The following NCAM1 variants were observed in gnomAD, a reference collection of about 807,000 sequenced individuals.
The protein encoded by NCAM1 is neural cell adhesion molecule 1, also known as antigen recognized by monoclonal antibody 5.1H11.
Under a neutral mutation model 109.8 loss-of-function variants are expected in NCAM1, and 14 were observed. That is an observed-to-expected ratio of 0.13 (90% confidence interval 0.08 to 0.20). The LOEUF is 0.20. Ranked by LOEUF, NCAM1 falls within the 10% of genes least tolerant of loss-of-function variation. The pLI is 1.00. For missense variants in NCAM1, 774 were observed against 1,109.9 expected (o/e 0.70, Z 4.30); for synonymous variants, 418 against 442.9 (o/e 0.94, Z 0.70).
intron 14 of NCAM1, chr11:113,240,371 T>C (rs45501891): frequency 0.019 from 3,714 of 200,024 alleles, 58 homozygotes; most frequent in Non-Finnish European, 0.028. Flanking sequence ...GAAACACATA[T>C]ATAGATGTGT....
intron 7 of NCAM1, among the ~76,000 whole-genome samples, chr11:113,211,032 C>G (rs1472164550): frequency 1.3e-5 from 2 of 152,174 alleles, no homozygotes; most frequent in African/African-American, 4.8e-5. Context: ...CTCTTCTCCA[C>G]CACCTTTTCC....
At chr11:113,271,969 G>A (rs2137786970) in intron 19 of NCAM1, 93 bp downstream of exon 19, 2 of 879,678 alleles carry the variant, frequency 2.3e-6, no homozygotes, top group East Asian at 2.9e-5. Flanking sequence ...CCTACCCACA[G>A]CTCCCGGCCA....
Position 113,242,857 on chromosome 11 carries a change from G to A in NCAM1, c.1826-3511G>A, listed in dbSNP as rs1945373991. On this transcript the variant is annotated intron_variant, in intron 14 of 19. Coordinates refer to ENST00000316851, the MANE Select transcript of NCAM1 (RefSeq NM_181351.5). ...CCACAGAACCAGCTAGTGAGTACAG[G>A]GCTGAGTTGCTCTCGGCCAGACCTC... 4 of 1,613,904 alleles carry A rather than the reference G, an allele frequency of 2.5e-6. No individual in the cohort carries two copies. The East Asian group carries it at 8.9e-5, about 36-fold the overall frequency.
At chr11:113,035,377 A>G (rs938082206) in intron 1 of NCAM1, among the ~76,000 whole-genome samples, 2 of 152,190 alleles carry the variant, frequency 1.3e-5, no homozygotes, top group Admixed American at 6.5e-5. Flanking sequence ...TGACATCGAG[A>G]TCTTGGATCC....
chr11:113,186,023 G>A (rs1555108867), intron 1 of NCAM1, among the ~76,000 whole-genome samples: 2 of 152,168 alleles, frequency 1.3e-5, no homozygotes, highest in East Asian at 1.9e-4. Flanking sequence ...AGAAAACAAC[G>A]GTCATAATAT....
chr11:113,167,245 G>A (rs1942834053), intron 1 of NCAM1, among the ~76,000 whole-genome samples: 1 of 152,172 alleles, frequency 6.6e-6, no homozygotes, highest in South Asian at 2.1e-4. Flanking sequence ...AGACTCAAAT[G>A]TCCTTTGTAT....
At chr11:113,070,032 A>G (rs2135555640) in intron 1 of NCAM1, among the ~76,000 whole-genome samples, 1 of 152,266 alleles carries the variant, frequency 6.6e-6, no homozygotes, top group African/African-American at 2.4e-5. Flanking sequence ...ATGTGAATAC[A>G]GGATTCATCA....
At chr11:113,127,147 T>C (rs982928557) in intron 1 of NCAM1, among the ~76,000 whole-genome samples, 1 of 152,266 alleles carries the variant, frequency 6.6e-6, no homozygotes, top group African/African-American at 2.4e-5. Flanking sequence ...AGCTTGATCC[T>C]GTAACAGACT....
chr11:112,981,220 A>C (rs1456909813), intron 1 of NCAM1, among the ~76,000 whole-genome samples: 1 of 151,872 alleles, frequency 6.6e-6, no homozygotes, highest in Non-Finnish European at 1.5e-5. Context: ...AGAAAAAAAA[A>C]CCGAAATGAT....
intron 1 of NCAM1, among the ~76,000 whole-genome samples, chr11:113,178,142 C>A (rs190433109): frequency 1.1e-4 from 17 of 152,304 alleles, no homozygotes; most frequent in Admixed American, 1.1e-3. Context: ...TTCCTACTTT[C>A]TTCTTTGCCC....
At chr11:113,232,377 C>T in intron 11 of NCAM1, 23 bp downstream of exon 11, 3 of 1,584,670 alleles carry the variant, frequency 1.9e-6, no homozygotes, top group Non-Finnish European at 2.6e-6. Context: ...GGGGGTGGGA[C>T]AGAGCAGAGA....
At chr11:113,089,525 G>A (rs1212163341) in intron 1 of NCAM1, among the ~76,000 whole-genome samples, 1 of 151,916 alleles carries the variant, frequency 6.6e-6, no homozygotes, top group South Asian at 2.1e-4. Context: ...CAAACTCCTG[G>A]GCTCAAGGGA....
Position 113,145,452 on chromosome 11 carries a change from A to T in NCAM1, c.53-56927A>T, listed in dbSNP as rs144050008. Among the ~76,000 whole-genome samples the T allele has an allele frequency of 2.5e-4, 38 of 152,318 alleles. No individual in the cohort carries two copies. The East Asian group carries it at 7.3e-3, about 29-fold the overall frequency. On this transcript the variant is annotated intron_variant, in intron 1 of 19. Coordinates refer to ENST00000316851, the MANE Select transcript of NCAM1 (RefSeq NM_181351.5). ...AACAATTGCCAAAAGGAAAAATCAGAATCTCCCACTCAATCTTTCATCTTA... is the reference window on the plus strand; with the variant it reads ...AACAATTGCCAAAAGGAAAAATCAGTATCTCCCACTCAATCTTTCATCTTA...
intron 1 of NCAM1, among the ~76,000 whole-genome samples, chr11:112,983,627 T>C (rs1951214287): frequency 6.6e-6 from 1 of 151,884 alleles, no homozygotes; most frequent in Admixed American, 6.6e-5. Flanking sequence ...AGACTGAAAA[T>C]GGAGTTTATA....
intron 1 of NCAM1, among the ~76,000 whole-genome samples, chr11:113,002,945 G>A (rs1258956554): frequency 6.6e-6 from 1 of 152,224 alleles, no homozygotes; most frequent in East Asian, 1.9e-4. Flanking sequence ...GTCTTAGTGA[G>A]ACAGAAAGAT....
intron 15 of NCAM1, among the ~76,000 whole-genome samples, chr11:113,250,118 C>T (rs1285972140): frequency 6.6e-6 from 1 of 152,172 alleles, no homozygotes; most frequent in Non-Finnish European, 1.5e-5. Context: ...CAGGGAAAAA[C>T]AAACAAAACT....
intron 1 of NCAM1, among the ~76,000 whole-genome samples, chr11:113,047,017 A>G (rs1953294056): frequency 6.6e-6 from 1 of 152,208 alleles, no homozygotes; most frequent in African/African-American, 2.4e-5. Context: ...TAAGCTTTGT[A>G]TGTGTTAGGC....
intron 1 of NCAM1, among the ~76,000 whole-genome samples, chr11:113,031,887 T>A (rs77808061): frequency 0.042 from 6,364 of 152,186 alleles, 451 homozygotes; most frequent in Admixed American, 0.14. Flanking sequence ...AAATGCAGAA[T>A]CTGCAAATAA....
intron 1 of NCAM1, among the ~76,000 whole-genome samples, chr11:113,121,313 C>T (rs1038670016): frequency 6.6e-6 from 1 of 150,566 alleles, no homozygotes; most frequent in Admixed American, 6.6e-5. Context: ...CTCTGCCCCC[C>T]AGGTTCAAGT....
Sources: allele counts gnomAD v4.1 joint callset (sites outside exome capture counted in the v4.1 genomes callset), GRCh38; gene constraint gnomAD v4.1.1; transcripts MANE v1.5; gene names NCBI Gene and HGNC (gene_info 2026-07-23, HGNC 2026-07-21).